The following MEI4 variants were observed in gnomAD, a reference collection of about 807,000 sequenced individuals.
The protein encoded by MEI4 is meiosis-specific protein MEI4.
In MEI4, 27 loss-of-function variants were observed where a neutral mutation model predicts 31.4. The ratio of observed to expected loss-of-function variants is 0.86; its 90% CI spans 0.63 to 1.19. The LOEUF (loss-of-function observed/expected upper bound fraction) is 1.19, where lower values mean the gene tolerates loss of function less well. Among genes scored for constraint, MEI4 ranks in the 50% most tolerant of loss-of-function variants. The pLI is 0.00. For missense variants in MEI4, 329 were observed against 398.9 expected (o/e 0.82, Z 1.49); for synonymous variants, 122 against 145.4 (o/e 0.84, Z 1.16).
intron 2 of MEI4, chr6:77,716,811 A>T: frequency 3.3e-6 from 3 of 909,770 alleles, no homozygotes; most frequent in Non-Finnish European, 3.9e-6. Context: ...GTCATGTGGA[A>T]GTTGAACAAG....
intron 3 of MEI4, among the ~76,000 whole-genome samples, chr6:77,805,104 G>A (rs1337370733): frequency 6.6e-6 from 1 of 152,086 alleles, no homozygotes; most frequent in Non-Finnish European, 1.5e-5. Context: ...TATATTGGAT[G>A]ATAAAGATTA....
intron 3 of MEI4, among the ~76,000 whole-genome samples, chr6:77,787,012 C>T (rs189838989): frequency 6.6e-6 from 1 of 152,272 alleles, no homozygotes; most frequent in African/African-American, 2.4e-5. Flanking sequence ...ACTGGACGCA[C>T]AGCAGATTCT....
chr6:77,669,906 T>G (rs1253564634), intron 1 of MEI4, among the ~76,000 whole-genome samples: 1 of 152,224 alleles, frequency 6.6e-6, no homozygotes, highest in Non-Finnish European at 1.5e-5. Flanking sequence ...ACTGGAACTT[T>G]TAACTGCCAC....
chr6:77,881,668 T>C (rs2127728763), intron 4 of MEI4, among the ~76,000 whole-genome samples: 1 of 152,340 alleles, frequency 6.6e-6, no homozygotes, highest in South Asian at 2.1e-4. Flanking sequence ...TTGATGCTTA[T>C]GAGCATCTAT....
chr6:77,908,770 T>C lies in MEI4; in HGVS notation c.901-14319T>C, dbSNP rs1376052951. Among the ~76,000 whole-genome samples, 10 of 152,128 alleles carry C rather than the reference T, an allele frequency of 6.6e-5. No homozygotes were observed. The East Asian group carries it at 1.4e-3, about 21-fold the overall frequency. On this transcript the variant is annotated intron_variant, in intron 4 of 4. Coordinates refer to ENST00000684080, the MANE Select transcript of MEI4 (RefSeq NM_001322247.2). ...GACAAAGAAGGCCATTACATAATGG[T>C]AAAGGGATCAATTCAACAAGAAGAG...
At chr6:77,663,065 A>G (rs1456046549) in intron 1 of MEI4, among the ~76,000 whole-genome samples, 2 of 152,350 alleles carry the variant, frequency 1.3e-5, no homozygotes, top group East Asian at 3.9e-4. Flanking sequence ...AATGGGTTAT[A>G]GAGGCAGGTA....
intron 2 of MEI4, among the ~76,000 whole-genome samples, chr6:77,749,696 C>T (rs1364850485): frequency 6.6e-6 from 1 of 152,186 alleles, no homozygotes; most frequent in Admixed American, 6.5e-5. Context: ...AAACAATCTT[C>T]AGGCTATTAG....
At chr6:77,866,265 A>T (rs2127723264) in intron 4 of MEI4, among the ~76,000 whole-genome samples, 1 of 152,204 alleles carries the variant, frequency 6.6e-6, no homozygotes, top group East Asian at 1.9e-4. Context: ...AAGGGTATTC[A>T]ATTAGGAAAA....
At chr6:77,674,415 C>T (rs1768802796) in intron 1 of MEI4, among the ~76,000 whole-genome samples, 1 of 152,076 alleles carries the variant, frequency 6.6e-6, no homozygotes, top group African/African-American at 2.4e-5. Context: ...TATGGTAATA[C>T]TGTAAGATTA....
At chr6:77,731,086 A>T (rs895190440) in intron 2 of MEI4, among the ~76,000 whole-genome samples, 1 of 151,942 alleles carries the variant, frequency 6.6e-6, no homozygotes, top group African/African-American at 2.4e-5. Context: ...CTCAATAAAC[A>T]TATGTGTGCA....
At chr6:77,803,507 G>T (rs913975426) in intron 3 of MEI4, among the ~76,000 whole-genome samples, 1 of 152,176 alleles carries the variant, frequency 6.6e-6, no homozygotes, top group Admixed American at 6.5e-5. Context: ...TTATTCTGTT[G>T]CTGGTGAGGA....
At chr6:77,870,613 C>A (rs1771166838) in intron 4 of MEI4, among the ~76,000 whole-genome samples, 1 of 152,066 alleles carries the variant, frequency 6.6e-6, no homozygotes, top group Admixed American at 6.6e-5. Context: ...GGTTCAGGGA[C>A]AGTTTTAGGA....
intron 4 of MEI4, among the ~76,000 whole-genome samples, chr6:77,892,498 C>T (rs1421358116): frequency 1.3e-5 from 2 of 152,022 alleles, no homozygotes; most frequent in Non-Finnish European, 2.9e-5. Context: ...GTGGTACAGG[C>T]TTATCCCAGA....
intron 3 of MEI4, among the ~76,000 whole-genome samples, chr6:77,792,611 CTTATG>C (rs1318982313): frequency 6.6e-6 from 1 of 151,782 alleles, no homozygotes; most frequent in Non-Finnish European, 1.5e-5. Context: ...CATTTTTTGT[CTTATG>C]TTTAAATCTT....
At chr6:77,713,178 C>G (rs188671606) in intron 2 of MEI4, among the ~76,000 whole-genome samples, 158 of 152,234 alleles carry the variant, frequency 1.0e-3, no homozygotes, top group Admixed American at 5.9e-4. Flanking sequence ...GATACACACT[C>G]TCCTGTTCTG....
intron 2 of MEI4, among the ~76,000 whole-genome samples, chr6:77,758,983 C>T (rs1447907813): frequency 6.6e-6 from 1 of 152,170 alleles, no homozygotes; most frequent in Non-Finnish European, 1.5e-5. Flanking sequence ...ACTCTTTAGT[C>T]CATTGCAATA....
Position 77,713,347 on chromosome 6 carries a change from TAGC to T in MEI4, c.232+22450_232+22452del, listed in dbSNP as rs147780968. Among the ~76,000 whole-genome samples, 515 of 152,330 alleles carry T rather than the reference TAGC, an allele frequency of 3.4e-3. 2 individuals are homozygous for T. The highest frequency in any genetic ancestry group is 0.012 in the African/African-American group (501 of 41,574). On this transcript the variant is annotated intron_variant, in intron 2 of 4. Transcript: ENST00000684080. ...TCTGATGGTAAGTTCATTAATTCCTTAGCAGCAGAAGAACCTAAGAATTTTTTT... is the reference window on the plus strand; with the variant it reads ...TCTGATGGTAAGTTCATTAATTCCTTAGCAGAAGAACCTAAGAATTTTTTT...
At chr6:77,913,276 G>A (rs2127739556) in intron 4 of MEI4, among the ~76,000 whole-genome samples, 1 of 152,198 alleles carries the variant, frequency 6.6e-6, no homozygotes. Context: ...TGCTGAATTT[G>A]GTAGTAGGGT....
At chr6:77,917,866 G>T (rs1187839813) in intron 4 of MEI4, among the ~76,000 whole-genome samples, 1 of 147,800 alleles carries the variant, frequency 6.8e-6, no homozygotes, top group Non-Finnish European at 1.5e-5. Flanking sequence ...GAATGGTAAT[G>T]CCTAGGTTTT....
Sources: allele counts gnomAD v4.1 joint callset (sites outside exome capture counted in the v4.1 genomes callset), GRCh38; gene constraint gnomAD v4.1.1; transcripts MANE v1.5; gene names NCBI Gene and HGNC (gene_info 2026-07-23, HGNC 2026-07-21).